Variants in EFL1 observed in about 807,000 individuals in gnomAD.
EFL1 encodes the protein elongation factor like GTPase 1.
EFL1 carries 76 observed loss-of-function variants against 126.7 expected under a neutral mutation model. That is an observed-to-expected ratio of 0.60 (90% CI 0.50 to 0.73). EFL1 has a LOEUF of 0.73. EFL1 is among the 30% of genes least tolerant of loss of function. The probability of loss-of-function intolerance (pLI) is 0.00; values close to 1 mark genes in which losing one functional copy is unlikely to be tolerated. For synonymous variants in EFL1, 410 were observed against 448.4 expected (o/e 0.91, Z 1.08); for missense variants, 1,128 against 1,343.2 (o/e 0.84, Z 2.50).
At chr15:82,152,748 T>C (rs1225366071) in intron 17 of EFL1, among the ~76,000 whole-genome samples, 1 of 152,128 alleles carries the variant, frequency 6.6e-6, no homozygotes, top group East Asian at 1.9e-4. Context: ...TTTTAATATA[T>C]GAAATATGAA....
intron 18 of EFL1, among the ~76,000 whole-genome samples, chr15:82,147,943 G>C (rs1274315489): frequency 6.6e-6 from 1 of 152,174 alleles, no homozygotes; most frequent in Non-Finnish European, 1.5e-5. Context: ...CAAAGTAAAA[G>C]AGCTAAAGAC....
intron 12 of EFL1, among the ~76,000 whole-genome samples, chr15:82,223,974 A>G (rs1043283021): frequency 3.3e-5 from 5 of 152,216 alleles, no homozygotes; most frequent in Non-Finnish European, 7.3e-5. Flanking sequence ...GGGAAGTACT[A>G]AAAAACAAAG....
chr15:82,176,334 A>G (rs1037795622), intron 15 of EFL1, among the ~76,000 whole-genome samples: 7 of 152,210 alleles, frequency 4.6e-5, no homozygotes, highest in Non-Finnish European at 8.8e-5. Context: ...AAAAATTGAA[A>G]AATATTAGAT....
intron 11 of EFL1, among the ~76,000 whole-genome samples, chr15:82,225,831 T>C (rs977152842): frequency 3.9e-5 from 6 of 152,262 alleles, no homozygotes; most frequent in African/African-American, 1.4e-4. Flanking sequence ...TGCAATTTCA[T>C]ATTAACATAT....
chr15:82,179,626 T>G (rs1482665102), intron 15 of EFL1, among the ~76,000 whole-genome samples: 4 of 152,076 alleles, frequency 2.6e-5, no homozygotes, highest in African/African-American at 4.8e-5. Flanking sequence ...TTTCTAAGGC[T>G]AAGTCATAAT....
At chr15:82,227,600 C>T in intron 10 of EFL1, 28 bp from the exon 11 acceptor site, 7 of 1,613,662 alleles carry the variant, frequency 4.3e-6, no homozygotes, top group Non-Finnish European at 5.9e-6. Flanking sequence ...GGACTGAAAA[C>T]CTTGAGCCAG....
chr15:82,237,292 G>A (rs1247506855), intron 7 of EFL1, among the ~76,000 whole-genome samples: 1 of 152,098 alleles, frequency 6.6e-6, no homozygotes, highest in Non-Finnish European at 1.5e-5. Context: ...GTTTAGAATA[G>A]AAAAAACTCT....
chr15:82,142,261 T>C (rs1470148628), intron 18 of EFL1, among the ~76,000 whole-genome samples: 1 of 152,082 alleles, frequency 6.6e-6, no homozygotes, highest in Non-Finnish European at 1.5e-5. Context: ...TACTAGCACT[T>C]TGGGAGGCAG....
intron 4 of EFL1, among the ~76,000 whole-genome samples, chr15:82,246,039 G>C (rs1222664658): frequency 6.6e-6 from 1 of 151,712 alleles, no homozygotes; most frequent in Non-Finnish European, 1.5e-5. Flanking sequence ...GCACAAACCC[G>C]ACCCGAAGAC....
intron 17 of EFL1, among the ~76,000 whole-genome samples, chr15:82,156,689 C>A (rs1416037379): frequency 1.3e-5 from 2 of 152,146 alleles, no homozygotes; most frequent in Non-Finnish European, 2.9e-5. Context: ...GTGCTTAACA[C>A]AGTGACTGTT....
chr15:82,142,382 T>C (rs1374143652), intron 18 of EFL1, among the ~76,000 whole-genome samples: 1 of 151,776 alleles, frequency 6.6e-6, no homozygotes, highest in Non-Finnish European at 1.5e-5. Context: ...CCTAGCTACT[T>C]GGGGGACTAA....
At chr15:82,202,307 T>C (rs1339186079) in intron 15 of EFL1, among the ~76,000 whole-genome samples, 2 of 145,020 alleles carry the variant, frequency 1.4e-5, no homozygotes, top group Admixed American at 1.3e-4. Context: ...CTTAAATTCT[T>C]TGGATTAAAA....
At chr15:82,240,347 T>C (rs1272490112) in intron 6 of EFL1, 71 bp downstream of exon 6, 2 of 1,457,244 alleles carry the variant, frequency 1.4e-6, no homozygotes, top group Non-Finnish European at 1.9e-6. Flanking sequence ...CAACGGCTCA[T>C]ACCCAGCTCA....
chr15:82,167,059 A>G (rs2074087417), intron 15 of EFL1, among the ~76,000 whole-genome samples: 1 of 152,204 alleles, frequency 6.6e-6, no homozygotes, highest in Non-Finnish European at 1.5e-5. Flanking sequence ...TTTAGTCACT[A>G]TATTTATTTT....
chr15:82,131,442 C>T (rs1166162706), intron 19 of EFL1, among the ~76,000 whole-genome samples: 3 of 152,172 alleles, frequency 2.0e-5, no homozygotes, highest in South Asian at 4.1e-4. Flanking sequence ...CAGGTGCATG[C>T]CACCATGCCC....
intron 15 of EFL1, among the ~76,000 whole-genome samples, chr15:82,167,014 A>C (rs960437725): frequency 6.6e-6 from 1 of 152,212 alleles, no homozygotes; most frequent in African/African-American, 2.4e-5. Context: ...AGCACGGGGG[A>C]ATAAAATTCA....
At chr15:82,198,913 G>A (rs1367192948) in intron 15 of EFL1, among the ~76,000 whole-genome samples, 2 of 152,022 alleles carry the variant, frequency 1.3e-5, no homozygotes, top group Non-Finnish European at 2.9e-5. Context: ...CTAACCTAGT[G>A]ATCAATATAG....
At chr15:82,192,956 G>A (rs1595973749) in intron 15 of EFL1, among the ~76,000 whole-genome samples, 1 of 152,170 alleles carries the variant, frequency 6.6e-6, no homozygotes, top group African/African-American at 2.4e-5. Context: ...GTGATCAACG[G>A]TTATGTCAGA....
chr15:82,203,626 C>A (rs924547145), intron 15 of EFL1, among the ~76,000 whole-genome samples: 1 of 152,310 alleles, frequency 6.6e-6, no homozygotes. Flanking sequence ...ACTCACTCCC[C>A]CTTGGCCTCC....
Sources: gnomAD v4.1 joint callset for allele counts (sites outside exome capture counted in the v4.1 genomes callset) on GRCh38, gnomAD v4.1.1 for gene constraint, MANE v1.5 for transcripts, NCBI Gene and HGNC (gene_info 2026-07-23, HGNC 2026-07-21) for gene names.